The following TLL1 variants were observed in gnomAD, a reference collection of about 807,000 sequenced individuals.
The protein encoded by TLL1 is tolloid-like protein 1.
A neutral mutation model predicts 128.2 loss-of-function variants in TLL1; 49 were observed. That is an observed-to-expected ratio of 0.38 (90% CI 0.30 to 0.48). The LOEUF (loss-of-function observed/expected upper bound fraction) is 0.48, where lower values mean the gene tolerates loss of function less well. TLL1 is among the 20% of genes least tolerant of loss of function. TLL1 has a pLI of 0.96. For synonymous variants in TLL1, 454 were observed against 418.8 expected, an observed-to-expected ratio of 1.08 and a Z score of -1.03; for missense variants, 1,123 against 1,242.0, an observed-to-expected ratio of 0.90 and a Z score of 1.44.
chr4:166,078,308 ACT>A (rs1202598326), intron 18 of TLL1, among the ~76,000 whole-genome samples: 1 of 152,208 alleles, frequency 6.6e-6, no homozygotes, highest in East Asian at 1.9e-4. Context: ...CTAATGTATT[ACT>A]GGTAATTATA....
intron 7 of TLL1, 112 bp from the exon 8 acceptor site, chr4:166,014,324 G>T: frequency 6.7e-7 from 1 of 1,497,442 alleles, no homozygotes; most frequent in Non-Finnish European, 9.2e-7. Flanking sequence ...AGCACACAAG[G>T]TGTAGTTCCC....
Position 166,007,992 on chromosome 4 carries a change from T to C in TLL1, c.861T>C (p.Leu287=), listed in dbSNP as rs1275346514. The part of the protein sequence containing the change: ...LKMEPGEVNS[L]GERYDFDSIM... ...TGGAGCCTGGAGAAGTAAACTCACTTGGAGAAAGATATGATTTCGACAGTA... is the reference window on the plus strand; with the variant it reads ...TGGAGCCTGGAGAAGTAAACTCACTCGGAGAAAGATATGATTTCGACAGTA... Residue 287 remains leucine (L), a synonymous_variant, in exon 7 of 21, where the codon CTT becomes CTC. Coordinates refer to ENST00000061240, the MANE Select transcript of TLL1 (RefSeq NM_012464.5). 6.2e-7 allele frequency: 1 copy of C among 1,609,942 alleles called. No homozygotes were observed. The highest frequency in any genetic ancestry group is 1.7e-5 in the Admixed American group (1 of 59,772).
intron 13 of TLL1, among the ~76,000 whole-genome samples, chr4:166,056,552 A>G (rs553351715): frequency 4.1e-4 from 63 of 152,066 alleles, no homozygotes; most frequent in Non-Finnish European, 7.8e-4. Context: ...TGAGTTTTAT[A>G]CCTTTTAATT....
At chr4:165,952,310 A>T (rs1366329250) in intron 1 of TLL1, among the ~76,000 whole-genome samples, 3 of 152,186 alleles carry the variant, frequency 2.0e-5, no homozygotes, top group Non-Finnish European at 4.4e-5. Context: ...TGGATTCAGT[A>T]TAACTTTTAA....
At chr4:165,876,618 T>C (rs565351540) in intron 1 of TLL1, among the ~76,000 whole-genome samples, 1 of 152,348 alleles carries the variant, frequency 6.6e-6, no homozygotes, top group African/African-American at 2.4e-5. Context: ...TCACAACAGC[T>C]CAATATGGTA....
chr4:166,087,952 A>T (rs76053357), intron 18 of TLL1, among the ~76,000 whole-genome samples: 8,797 of 152,192 alleles, frequency 0.058, 427 homozygotes, highest in African/African-American at 0.12. Context: ...TATTCACTTT[A>T]TTTTTGGCCT....
intron 1 of TLL1, among the ~76,000 whole-genome samples, chr4:165,944,373 A>G (rs138902323): frequency 1.3e-5 from 2 of 152,246 alleles, no homozygotes; most frequent in African/African-American, 2.4e-5. Flanking sequence ...ATATTCCTTC[A>G]CACACAAATA....
At chr4:165,907,363 AGC>A (rs1732311903) in intron 1 of TLL1, among the ~76,000 whole-genome samples, 1 of 152,128 alleles carries the variant, frequency 6.6e-6, no homozygotes, top group African/African-American at 2.4e-5. Context: ...GAATCCAAAT[AGC>A]CACAATGGCT....
intron 1 of TLL1, among the ~76,000 whole-genome samples, chr4:165,911,914 C>T (rs186645508): frequency 1.1e-4 from 17 of 152,170 alleles, no homozygotes; most frequent in African/African-American, 3.9e-4. Flanking sequence ...CTCGCTCTGT[C>T]GCCTAGGCTG....
chr4:166,008,065 A>T lies in TLL1; in HGVS notation c.917+17A>T. On this transcript the variant is annotated intron_variant, in intron 7 of 20. Transcript: ENST00000061240. ...CTTCTCAAGGTTGGAGTCTCAGGTT[A>T]TACCTTTTGACTTTTAATTCCTTTC... 1 of 1,588,190 alleles carries T rather than the reference A, an allele frequency of 6.3e-7. No individual in the cohort carries two copies. Among genetic ancestry groups the T allele is most frequent in the Non-Finnish European group, 8.6e-7 (1 of 1,157,600 alleles).
At position 166,099,293 on chromosome 4, in the gene TLL1, G is replaced by A. The variant is rs1386576773; in HGVS notation, c.2673G>A (p.Leu891=). The change falls in exon 20 of 21, where the codon TTG becomes TTA. Residue 891 remains leucine (L), a synonymous_variant. Coordinates refer to ENST00000061240, the MANE Select transcript of TLL1 (RefSeq NM_012464.5). ...CCTGGGCAGAGTGTGGCGGACGATT[G>A]AAAGCAGAATCAAAACCAAGAGATC... The part of the protein sequence containing the change: ...ATHSTECGGR[L]KAESKPRDLY... 1 of 1,613,508 alleles carries A rather than the reference G, an allele frequency of 6.2e-7. No homozygotes were observed. Among genetic ancestry groups the A allele is most frequent in the East Asian group, 2.2e-5 (1 of 44,802 alleles).
At chr4:165,906,582 C>A (rs1354754510) in intron 1 of TLL1, among the ~76,000 whole-genome samples, 1 of 152,058 alleles carries the variant, frequency 6.6e-6, no homozygotes, top group Non-Finnish European at 1.5e-5. Context: ...TACAACCAAC[C>A]AGTTTAGTGA....
At chr4:165,891,024 A>G (rs77130248) in intron 1 of TLL1, among the ~76,000 whole-genome samples, 1,798 of 152,240 alleles carry the variant, frequency 0.012, 32 homozygotes, top group African/African-American at 0.04. Context: ...CAGGCACACC[A>G]CCACATATAA....
At chr4:165,942,770 T>C (rs1734078391) in intron 1 of TLL1, among the ~76,000 whole-genome samples, 2 of 152,036 alleles carry the variant, frequency 1.3e-5, no homozygotes, top group Admixed American at 1.3e-4. Context: ...GTTAAGCGCA[T>C]ACATGCCCTT....
chr4:165,905,816 C>T (rs1417437623), intron 1 of TLL1, among the ~76,000 whole-genome samples: 1 of 152,190 alleles, frequency 6.6e-6, no homozygotes, highest in Non-Finnish European at 1.5e-5. Flanking sequence ...TTAAAACAAA[C>T]ATTAGGATTC....
At chr4:165,903,975 A>G (rs576398804) in intron 1 of TLL1, among the ~76,000 whole-genome samples, 1 of 152,180 alleles carries the variant, frequency 6.6e-6, no homozygotes, top group African/African-American at 2.4e-5. Context: ...AAAAAATCTC[A>G]TTTAGTCTTT....
chr4:166,074,794 T>G, intron 16 of TLL1, 84 bp from the exon 17 acceptor site: 1 of 1,540,168 alleles, frequency 6.5e-7, no homozygotes, highest in Non-Finnish European at 8.9e-7. Context: ...CCTTTGGCAG[T>G]GTTAACCACA....
At chr4:165,885,978 C>T (rs1731147894) in intron 1 of TLL1, among the ~76,000 whole-genome samples, 1 of 152,100 alleles carries the variant, frequency 6.6e-6, no homozygotes, top group Admixed American at 6.5e-5. Context: ...TCATAAAATT[C>T]AGCTCCACAA....
chr4:165,981,781 C>T (rs2110997400), intron 1 of TLL1, among the ~76,000 whole-genome samples: 1 of 152,136 alleles, frequency 6.6e-6, no homozygotes, highest in South Asian at 2.1e-4. Context: ...TTATGATGAA[C>T]TCCATTTTCC....
Sources: allele counts gnomAD v4.1 joint callset (sites outside exome capture counted in the v4.1 genomes callset), GRCh38; gene constraint gnomAD v4.1.1; transcripts MANE v1.5; gene names NCBI Gene and HGNC (gene_info 2026-07-23, HGNC 2026-07-21).